KMO: variants seen among roughly 807,000 people sequenced by gnomAD.
KMO encodes kynurenine 3-monooxygenase, also known as kynurenine 3-hydroxylase.
KMO carries 24 observed loss-of-function variants against 57.8 expected under a neutral mutation model. The ratio of observed to expected loss-of-function variants is 0.42; its 90% CI spans 0.30 to 0.58. The LOEUF (loss-of-function observed/expected upper bound fraction) is 0.58, where lower values mean the gene tolerates loss of function less well. KMO is among the 20% of genes least tolerant of loss of function. The pLI, the probability that KMO is intolerant of heterozygous loss-of-function variation, is 0.22. For synonymous variants in KMO, 210 were observed against 193.6 expected (o/e 1.08, Z -0.70); for missense variants, 483 against 588.2 (o/e 0.82, Z 1.85).
Position 241,594,160 on chromosome 1 carries a change from C to T in KMO, c.*2007C>T, listed in dbSNP as rs1663421437. On this transcript the variant is annotated 3_prime_UTR_variant, in exon 15 of 15. Coordinates refer to ENST00000366559, the MANE Select transcript of KMO (RefSeq NM_003679.5). Reference sequence around the variant, plus strand: ...AAAAATATATTTGAAATGAAAATCTCCAACACATTAGAAGATGATGATGTT... The same window carrying T: ...AAAAATATATTTGAAATGAAAATCTTCAACACATTAGAAGATGATGATGTT... 2.7e-6 allele frequency: 1 copy of T among 375,726 alleles called. No homozygotes were observed. Among genetic ancestry groups the T allele is most frequent in the African/African-American group, 2.1e-5 (1 of 47,926 alleles). The allele number at this position is 375,726 out of a possible 1,614,324, so 23.3% of individuals were successfully genotyped here.
chr1:241,585,655 G>A (rs901641384), intron 10 of KMO, among the ~76,000 whole-genome samples: 4 of 151,500 alleles, frequency 2.6e-5, no homozygotes, highest in Non-Finnish European at 4.4e-5. Flanking sequence ...TACTTGGGAG[G>A]CTGAGGAAGG....
At chr1:241,547,245 T>A (rs1177466926) in intron 1 of KMO, among the ~76,000 whole-genome samples, 2 of 152,180 alleles carry the variant, frequency 1.3e-5, no homozygotes, top group Non-Finnish European at 2.9e-5. Flanking sequence ...ATAAAATGAC[T>A]ATTGTAATTG....
In KMO at chr1:241,566,914, C is replaced by G. The variant is rs57286915; in HGVS notation, c.809+302C>G. The stretch of plus-strand genomic sequence containing the variant: ...TGGCGTGCCACAGGAACTGGCTGAA[C>G]TTTTTTCTACTGGTAGATACACAAA... On this transcript the variant is annotated intron_variant, in intron 9 of 14. Transcript: ENST00000366559. 8.5e-3 allele frequency among the ~76,000 whole-genome samples: 1,295 copies of G among 152,256 alleles called. 20 individuals are homozygous for G. The highest frequency in any genetic ancestry group is 0.029 in the African/African-American group (1,223 of 41,554).
chr1:241,561,812 T>TTAGAAA (rs1661853251), intron 6 of KMO, among the ~76,000 whole-genome samples: 1 of 152,236 alleles, frequency 6.6e-6, no homozygotes, highest in African/African-American at 2.4e-5. Flanking sequence ...GACAAATGTA[T>TTAGAAA]TGTTCTTAGA....
intron 6 of KMO, among the ~76,000 whole-genome samples, chr1:241,561,394 G>C (rs1405252551): frequency 1.3e-5 from 2 of 152,064 alleles, no homozygotes; most frequent in East Asian, 3.8e-4. Flanking sequence ...TGAATAATTT[G>C]AATCATTCAT....
chr1:241,558,776 T>TAA (rs35450168), intron 5 of KMO, among the ~76,000 whole-genome samples: 6,477 of 144,874 alleles, frequency 0.045, 439 homozygotes, highest in African/African-American at 0.15. Context: ...CTAACCATGT[T>TAA]AAAAAAAAAA....
intron 4 of KMO, among the ~76,000 whole-genome samples, chr1:241,554,445 TG>T (rs1661532969): frequency 6.6e-6 from 1 of 151,872 alleles, no homozygotes; most frequent in African/African-American, 2.4e-5. Flanking sequence ...GGCTTGTTTT[TG>T]TATTTTTAGT....
chr1:241,586,603 C>G, intron 10 of KMO, 76 bp from the exon 11 acceptor site: 3 of 940,460 alleles, frequency 3.2e-6, no homozygotes, highest in East Asian at 2.5e-5. Flanking sequence ...AATGGAATAT[C>G]TATTCAAAAT....
Position 241,592,796 on chromosome 1 carries a change from A to ATCTC in KMO, c.*645_*648dup, listed in dbSNP as rs777111753. Reference sequence around the variant, plus strand: ...TATCTATCTATCTATCTATCTATCTATCTCTATTTATTTATGTATTTAGAG... The same window carrying ATCTC: ...TATCTATCTATCTATCTATCTATCTATCTCTCTCTATTTATTTATGTATTTAGAG... On this transcript the variant is annotated 3_prime_UTR_variant, in exon 15 of 15. Transcript: ENST00000366559. 6.6e-6 allele frequency: 1 copy of ATCTC among 150,600 alleles called. No individual in the cohort carries two copies. The highest frequency in any genetic ancestry group is 2.5e-5 in the African/African-American group (1 of 39,990). 9.3% of individuals were successfully genotyped at this position (150,600 alleles called of 1,614,324 possible). A position where few individuals can be genotyped will look rare whatever the true frequency, so the allele number is the denominator to read the frequency against.
At chr1:241,572,885 A>G (rs1485816388) in intron 10 of KMO, among the ~76,000 whole-genome samples, 1 of 152,114 alleles carries the variant, frequency 6.6e-6, no homozygotes, top group Non-Finnish European at 1.5e-5. Context: ...GAGAACATAC[A>G]GTATTTGATT....
At chr1:241,568,471 C>G in intron 9 of KMO, 29 bp from the exon 10 acceptor site, 1 of 1,608,076 alleles carries the variant, frequency 6.2e-7, no homozygotes, top group Non-Finnish European at 8.5e-7. Context: ...AATTTGATGT[C>G]TTTATATTCG....
chr1:241,568,458 C>T (rs1343069953), intron 9 of KMO, 42 bp from the exon 10 acceptor site: 2 of 1,585,602 alleles, frequency 1.3e-6, no homozygotes, highest in South Asian at 1.1e-5. Flanking sequence ...GGATTTAATA[C>T]CTAATTTGAT....
At chr1:241,552,184 GAGAGAGAGAGAGAGAA>G (rs1007686945) in intron 4 of KMO, among the ~76,000 whole-genome samples, 4 of 106,886 alleles carry the variant, frequency 3.7e-5, no homozygotes, top group Admixed American at 1.1e-4. Flanking sequence ...GTGAGAGAGA[GAGAGAGAGAGAGAGAA>G]AGAGCGTGCA....
At chr1:241,587,487 C>T (rs1663048472) in intron 11 of KMO, among the ~76,000 whole-genome samples, 1 of 152,092 alleles carries the variant, frequency 6.6e-6, no homozygotes, top group South Asian at 2.1e-4. Flanking sequence ...GAGATGGAGT[C>T]ACTCCATCGC....
At chr1:241,566,711 A>G in intron 9 of KMO, 99 bp downstream of exon 9, 1 of 1,236,336 alleles carries the variant, frequency 8.1e-7, no homozygotes, top group Non-Finnish European at 1.2e-6. Context: ...AACACGATGG[A>G]TCATGCAGTA....
At chr1:241,559,491 T>C (rs1661759573) in intron 5 of KMO, among the ~76,000 whole-genome samples, 1 of 152,236 alleles carries the variant, frequency 6.6e-6, no homozygotes, top group Non-Finnish European at 1.5e-5. Flanking sequence ...GTTTCTAAAA[T>C]ATATCCTTAG....
intron 5 of KMO, among the ~76,000 whole-genome samples, chr1:241,556,281 A>G (rs1301001575): frequency 1.3e-5 from 2 of 151,932 alleles, no homozygotes; most frequent in Non-Finnish European, 2.9e-5. Context: ...CTACAGGCAC[A>G]TGCTACCACA....
chr1:241,546,694 TG>T (rs1661161298), intron 1 of KMO, among the ~76,000 whole-genome samples: 1 of 152,172 alleles, frequency 6.6e-6, no homozygotes, highest in South Asian at 2.1e-4. Flanking sequence ...ATAGGGAATA[TG>T]TGGAGAGAAT....
intron 5 of KMO, among the ~76,000 whole-genome samples, chr1:241,558,853 C>G (rs963012882): frequency 1.3e-4 from 19 of 151,636 alleles, no homozygotes; most frequent in African/African-American, 4.6e-4. Flanking sequence ...TGGCTCACAC[C>G]TGTAATCCCA....
Sources: allele counts gnomAD v4.1 joint callset (sites outside exome capture counted in the v4.1 genomes callset), GRCh38; gene constraint gnomAD v4.1.1; transcripts MANE v1.5; gene names NCBI Gene and HGNC (gene_info 2026-07-23, HGNC 2026-07-21).